The following RPA3 variants were observed in gnomAD, a reference collection of about 807,000 sequenced individuals.
The protein encoded by RPA3 is replication protein A 14 kDa subunit.
A neutral mutation model predicts 13.7 loss-of-function variants in RPA3; 24 were observed. That is an observed-to-expected ratio of 1.75 (90% CI 1.27 to 2.46). RPA3 has a LOEUF of 2.46. Among genes scored for constraint, RPA3 ranks in the 30% most tolerant of loss-of-function variants. The pLI, the probability that RPA3 is intolerant of heterozygous loss-of-function variation, is 0.00. For missense variants in RPA3, 183 were observed against 151.0 expected (o/e 1.21, Z -1.11); for synonymous variants, 59 against 51.2 (o/e 1.15, Z -0.65).
At chr7:7,701,143 A>C (rs1039130533) in intron 2 of RPA3, among the ~76,000 whole-genome samples, 1 of 152,190 alleles carries the variant, frequency 6.6e-6, no homozygotes, top group Non-Finnish European at 1.5e-5. Context: ...ACATTTAATA[A>C]ACATGTTCTG....
intron 4 of RPA3, chr7:7,673,550 A>T (rs1779665321): frequency 1.6e-6 from 1 of 643,002 alleles, no homozygotes; most frequent in South Asian, 1.8e-5. Flanking sequence ...ATTTCTTATA[A>T]TTTCAGAATT....
intron 7 of RPA3, among the ~76,000 whole-genome samples, 156 bp downstream of exon 7, chr7:7,637,708 G>A (rs1435571326): frequency 6.6e-6 from 1 of 150,606 alleles, no homozygotes; most frequent in Non-Finnish European, 1.5e-5. Flanking sequence ...ATATAAAACT[G>A]TATGTTATGT....
At chr7:7,655,819 G>GTCTCTC (rs146375851) in intron 4 of RPA3, among the ~76,000 whole-genome samples, 3 of 150,184 alleles carry the variant, frequency 2.0e-5, no homozygotes, top group Admixed American at 6.6e-5. Context: ...ATTTAGGACA[G>GTCTCTC]TCTCTCTCTC....
rs567621253 is a variant in RPA3 at position 7,702,788 on chromosome 7, G to T, written c.-1028+12387C>A. 1.0e-4 allele frequency among the ~76,000 whole-genome samples: 13 copies of T among 130,234 alleles called. No homozygotes were observed. The South Asian group carries it at 2.3e-3, about 23-fold the overall frequency. The allele number at this position is 130,234 out of a possible 152,430, so 85.4% of individuals were successfully genotyped here. A position where few individuals can be genotyped will look rare whatever the true frequency, so the allele number is the denominator to read the frequency against. On this transcript the variant is annotated intron_variant, in intron 2 of 7. Coordinates refer to ENST00000223129, the MANE Select transcript of RPA3 (RefSeq NM_002947.5). Reference sequence around the variant, plus strand: ...CCATCTGCCAGTGGCCTGGGTTTTTGTTGTTGTTGTTGTTGTTGTTTTTGG... The same window carrying T: ...CCATCTGCCAGTGGCCTGGGTTTTTTTTGTTGTTGTTGTTGTTGTTTTTGG...
intron 4 of RPA3, among the ~76,000 whole-genome samples, chr7:7,660,795 C>G (rs1056758432): frequency 6.6e-6 from 1 of 152,100 alleles, no homozygotes; most frequent in Non-Finnish European, 1.5e-5. Context: ...TTGCTCTTAT[C>G]GAGGATTATC....
At position 7,641,169 on chromosome 7, in the gene RPA3, T is replaced by G. The variant is rs1784962856; in HGVS notation, c.-751A>C. The G allele has an allele frequency of 6.6e-6, 1 of 152,230 alleles. No individual in the cohort carries two copies. The highest frequency in any genetic ancestry group is 1.5e-5 in the Non-Finnish European group (1 of 68,066). 9.4% of individuals were successfully genotyped at this position (152,230 alleles called of 1,614,324 possible). On this transcript the variant is annotated 5_prime_UTR_variant, in exon 5 of 8. Transcript: ENST00000223129. Reference sequence around the variant, plus strand: ...CTGCGTCACTCTACTTTCTCCACTTTCTCCACCTGTAAGAAGAGAGATTGA... The same window carrying G: ...CTGCGTCACTCTACTTTCTCCACTTGCTCCACCTGTAAGAAGAGAGATTGA...
intron 4 of RPA3, among the ~76,000 whole-genome samples, chr7:7,662,430 A>T (rs530050400): frequency 1.3e-5 from 2 of 152,248 alleles, no homozygotes; most frequent in African/African-American, 4.8e-5. Flanking sequence ...CTTAAAACCC[A>T]GGTCCGTGGT....
intron 4 of RPA3, among the ~76,000 whole-genome samples, chr7:7,669,164 A>G (rs574701788): frequency 1.3e-5 from 2 of 152,154 alleles, no homozygotes; most frequent in South Asian, 2.1e-4. Flanking sequence ...AACATACTGT[A>G]TATAGGGTTT....
intron 2 of RPA3, among the ~76,000 whole-genome samples, chr7:7,703,840 G>A (rs1780527821): frequency 6.6e-6 from 1 of 152,130 alleles, no homozygotes; most frequent in African/African-American, 2.4e-5. Context: ...TATTTGGGAG[G>A]CTGAGGTAGG....
At chr7:7,664,240 A>G (rs1045214723) in intron 4 of RPA3, among the ~76,000 whole-genome samples, 3 of 152,038 alleles carry the variant, frequency 2.0e-5, no homozygotes, top group African/African-American at 7.2e-5. Flanking sequence ...CCACTTTTCC[A>G]TATCATTTCT....
chr7:7,711,153 A>G (rs908270233), intron 2 of RPA3, among the ~76,000 whole-genome samples: 7 of 152,194 alleles, frequency 4.6e-5, no homozygotes, highest in African/African-American at 1.7e-4. Context: ...TGGTTGTGGT[A>G]TTGAACTATA....
intron 4 of RPA3, among the ~76,000 whole-genome samples, chr7:7,646,843 A>G (rs1036633768): frequency 6.6e-6 from 1 of 152,004 alleles, no homozygotes; most frequent in Non-Finnish European, 1.5e-5. Flanking sequence ...TCTTCTGCTC[A>G]TGGAGCCTGG....
At chr7:7,711,904 T>G (rs976749949) in intron 2 of RPA3, among the ~76,000 whole-genome samples, 9 of 152,174 alleles carry the variant, frequency 5.9e-5, no homozygotes, top group African/African-American at 2.2e-4. Flanking sequence ...AGCATCTTCT[T>G]ATAGCTCTAT....
intron 5 of RPA3, chr7:7,640,049 A>G: frequency 2.1e-6 from 1 of 469,974 alleles, no homozygotes; most frequent in Non-Finnish European, 3.8e-6. Flanking sequence ...TGGTGTTTAT[A>G]ATTTCCCTTA....
intron 4 of RPA3, among the ~76,000 whole-genome samples, chr7:7,642,130 T>G (rs1784987536): frequency 6.6e-6 from 1 of 152,104 alleles, no homozygotes; most frequent in Non-Finnish European, 1.5e-5. Context: ...CACACATCAA[T>G]GTCTTTAATA....
chr7:7,652,075 G>T (rs1253523859), intron 4 of RPA3, among the ~76,000 whole-genome samples: 2 of 152,176 alleles, frequency 1.3e-5, no homozygotes, highest in African/African-American at 4.8e-5. Flanking sequence ...GGGTCTCCAT[G>T]CAGTGGGATG....
intron 1 of RPA3, among the ~76,000 whole-genome samples, chr7:7,716,674 G>A (rs1207444457): frequency 6.6e-6 from 1 of 152,228 alleles, no homozygotes; most frequent in African/African-American, 2.4e-5. Context: ...CGGCCGGCGC[G>A]GTGGCTCACG....
At chr7:7,694,644 T>C (rs1373770432) in intron 2 of RPA3, among the ~76,000 whole-genome samples, 8 of 152,130 alleles carry the variant, frequency 5.3e-5, no homozygotes, top group Admixed American at 2.6e-4. Context: ...GTGAAGTTTA[T>C]CTCTCTCTGC....
intron 2 of RPA3, among the ~76,000 whole-genome samples, chr7:7,710,028 G>A (rs1052261100): frequency 5.9e-5 from 9 of 152,014 alleles, no homozygotes; most frequent in African/African-American, 2.2e-4. Context: ...TATAAATCGA[G>A]TCACTCACAA....
Sources: allele counts gnomAD v4.1 joint callset (sites outside exome capture counted in the v4.1 genomes callset), GRCh38; gene constraint gnomAD v4.1.1; transcripts MANE v1.5; gene names NCBI Gene and HGNC (gene_info 2026-07-23, HGNC 2026-07-21).